Variants in IDE observed in about 807,000 individuals in gnomAD.
IDE encodes the protein insulin-degrading enzyme.
IDE carries 58 observed loss-of-function variants against 133.2 expected under a neutral mutation model. That is an observed-to-expected ratio of 0.44 (90% CI 0.35 to 0.54). IDE has a LOEUF of 0.54. Ranked by LOEUF, IDE falls within the 20% of genes least tolerant of loss-of-function variation. The probability of loss-of-function intolerance (pLI) is 0.00; values close to 1 mark genes in which losing one functional copy is unlikely to be tolerated. For synonymous variants in IDE, 396 were observed against 421.3 expected (o/e 0.94, Z 0.73); for missense variants, 981 against 1,234.0 (o/e 0.79, Z 3.07).
rs534622892 is a variant in IDE at position 92,548,843 on chromosome 10, A to G, written c.99-11293T>C. Among the ~76,000 whole-genome samples the G allele has an allele frequency of 2.6e-5, 4 of 152,218 alleles. No homozygotes were observed. The South Asian group carries it at 8.3e-4, about 32-fold the overall frequency. ...AATGGGTGACTATTCCCACTCACCAACCCTCGCTGAGGACATATGGCAATG... is the reference window on the plus strand; with the variant it reads ...AATGGGTGACTATTCCCACTCACCAGCCCTCGCTGAGGACATATGGCAATG... On this transcript the variant is annotated intron_variant, in intron 1 of 24. Coordinates refer to ENST00000265986, the MANE Select transcript of IDE (RefSeq NM_004969.4).
chr10:92,461,801 A>T (rs1845407252), intron 21 of IDE, among the ~76,000 whole-genome samples: 1 of 151,658 alleles, frequency 6.6e-6, no homozygotes, highest in Admixed American at 6.6e-5. Flanking sequence ...AGTAGCTGGG[A>T]CTACAGGCGC....
At chr10:92,466,081 G>A (rs1326081569) in intron 19 of IDE, among the ~76,000 whole-genome samples, 1 of 151,866 alleles carries the variant, frequency 6.6e-6, no homozygotes, top group Non-Finnish European at 1.5e-5. Context: ...ATCAGAAGGA[G>A]GGGAGCCAGT....
chr10:92,555,072 A>T (rs1045766730), intron 1 of IDE, among the ~76,000 whole-genome samples: 2 of 152,230 alleles, frequency 1.3e-5, no homozygotes, highest in African/African-American at 4.8e-5. Flanking sequence ...GCAAACAATG[A>T]ACGTATTCAG....
At chr10:92,554,903 T>C (rs1842938740) in intron 1 of IDE, 1 of 151,304 alleles carries the variant, frequency 6.6e-6, no homozygotes, top group South Asian at 2.1e-4. Flanking sequence ...AGCTTTCAGA[T>C]GCCACATGCA....
chr10:92,508,593 AACC>A, intron 7 of IDE, 132 bp downstream of exon 7: 1 of 683,682 alleles, frequency 1.5e-6, no homozygotes, highest in South Asian at 2.5e-5. Flanking sequence ...GCGTGCCAAC[AACC>A]ACCATCTCAC....
chr10:92,525,925 G>T (rs1849601066), intron 4 of IDE, among the ~76,000 whole-genome samples: 1 of 152,066 alleles, frequency 6.6e-6, no homozygotes, highest in Non-Finnish European at 1.5e-5. Context: ...GGGAGGCCAA[G>T]GTGGGCAGAT....
chr10:92,529,536 ATC>A, intron 4 of IDE, among the ~76,000 whole-genome samples: 1 of 152,318 alleles, frequency 6.6e-6, no homozygotes, highest in Middle Eastern at 3.4e-3. Context: ...CATGCAATGT[ATC>A]TCTTTGCCCA....
intron 9 of IDE, 51 bp from the exon 10 acceptor site, chr10:92,506,573 CTT>C (rs34053974): frequency 0.012 from 7,905 of 664,036 alleles, no homozygotes; most frequent in South Asian, 0.019. Flanking sequence ...ATTTAGAAAC[CTT>C]TTTTTTTTTT....
intron 9 of IDE, 127 bp downstream of exon 9, chr10:92,507,448 A>T (rs1848355051): frequency 1.5e-6 from 1 of 668,628 alleles, no homozygotes; most frequent in South Asian, 1.7e-5. Context: ...ATACATTGCA[A>T]AATTTTAGAC....
chr10:92,562,647 G>A (rs1179558001), intron 1 of IDE, among the ~76,000 whole-genome samples: 1 of 151,930 alleles, frequency 6.6e-6, no homozygotes, highest in Non-Finnish European at 1.5e-5. Flanking sequence ...ATTTTACCCT[G>A]GACCAAATGT....
At chr10:92,490,308 T>C (rs1847268397) in intron 12 of IDE, among the ~76,000 whole-genome samples, 185 bp downstream of exon 12, 1 of 152,150 alleles carries the variant, frequency 6.6e-6, no homozygotes, top group Non-Finnish European at 1.5e-5. Context: ...GTGGCTAGAG[T>C]ACCATGTCTT....
chr10:92,474,996 A>T (rs747751572), intron 16 of IDE, 35 bp from the exon 17 acceptor site: 21 of 1,546,202 alleles, frequency 1.4e-5, no homozygotes, highest in African/African-American at 2.8e-5. Flanking sequence ...TAATTTTATA[A>T]ATCTTTTAAA....
chr10:92,572,356 T>G (rs1467042982), intron 1 of IDE, among the ~76,000 whole-genome samples: 1 of 152,188 alleles, frequency 6.6e-6, no homozygotes, highest in East Asian at 1.9e-4. Context: ...CAGGGGTCTT[T>G]TGCACATTAT....
chr10:92,496,386 C>G (rs1847703418), intron 11 of IDE, among the ~76,000 whole-genome samples: 1 of 152,200 alleles, frequency 6.6e-6, no homozygotes, highest in Admixed American at 6.5e-5. Context: ...AGGACTACTC[C>G]TCTCTTATTT....
chr10:92,508,469 T>C (rs1024128986), intron 7 of IDE, among the ~76,000 whole-genome samples: 2 of 133,962 alleles, frequency 1.5e-5, no homozygotes, highest in African/African-American at 4.9e-5. Context: ...ATCCCAGCAC[T>C]TTAGGAGGCC....
intron 20 of IDE, among the ~76,000 whole-genome samples, chr10:92,465,401 C>T (rs774235358): frequency 6.6e-6 from 1 of 152,162 alleles, no homozygotes; most frequent in Non-Finnish European, 1.5e-5. Context: ...TACCCATAAG[C>T]TTGTCCTTAG....
chr10:92,563,092 AG>A (rs1843354407), intron 1 of IDE, among the ~76,000 whole-genome samples: 1 of 152,182 alleles, frequency 6.6e-6, no homozygotes, highest in Non-Finnish European at 1.5e-5. Context: ...CTCTACTAAA[AG>A]TACAAAAATT....
intron 13 of IDE, among the ~76,000 whole-genome samples, chr10:92,485,760 T>C (rs1846954593): frequency 6.6e-6 from 1 of 151,976 alleles, no homozygotes; most frequent in African/African-American, 2.4e-5. Context: ...CCAGGCAACA[T>C]AGCAAGATCC....
intron 22 of IDE, among the ~76,000 whole-genome samples, chr10:92,458,992 GA>G (rs556873883): frequency 1.4e-3 from 216 of 152,292 alleles, no homozygotes; most frequent in Non-Finnish European, 2.0e-3. Flanking sequence ...ATGAGGTAAA[GA>G]AAATCACTTG....
Sources: allele counts gnomAD v4.1 joint callset (sites outside exome capture counted in the v4.1 genomes callset), GRCh38; gene constraint gnomAD v4.1.1; transcripts MANE v1.5; gene names NCBI Gene and HGNC (gene_info 2026-07-23, HGNC 2026-07-21).